Variants in MED27 observed in about 807,000 individuals in gnomAD.
MED27 encodes mediator complex subunit 27.
In MED27, 30 loss-of-function variants were observed where a neutral mutation model predicts 38.2. That is an observed-to-expected ratio of 0.79 (90% CI 0.59 to 1.07). The LOEUF is 1.07. Ranked by LOEUF, MED27 falls within the 50% of genes least tolerant of loss-of-function variation. The probability of loss-of-function intolerance (pLI) is 0.00; values close to 1 mark genes in which losing one functional copy is unlikely to be tolerated. For missense variants in MED27, 289 were observed against 397.5 expected, an observed-to-expected ratio of 0.73 and a Z score of 2.32; for synonymous variants, 122 against 153.5, an observed-to-expected ratio of 0.79 and a Z score of 1.52.
chr9:132,010,502 T>C (rs1167475405), intron 3 of MED27, among the ~76,000 whole-genome samples: 1 of 152,212 alleles, frequency 6.6e-6, no homozygotes, highest in Non-Finnish European at 1.5e-5. Context: ...GAACTAGAAA[T>C]ACCATTTGAC....
rs532966649 is a variant in MED27, at chr9:131,980,930, G to T, written c.479+33407C>A. On this transcript the variant is annotated intron_variant, in intron 3 of 7. Transcript: ENST00000292035. ...CAGTTTAGGAAATAAAACCCTGGAG[G>T]AAGAGTTTCAGTCACCCCAAATTTT... is the stretch of plus-strand genomic sequence containing the variant. Among the ~76,000 whole-genome samples, 3 of 152,274 alleles carry T rather than the reference G, an allele frequency of 2.0e-5. No individual in the cohort carries two copies. The East Asian group carries it at 5.8e-4, about 29-fold the overall frequency.
chr9:132,067,508 T>C (rs1210151269), intron 2 of MED27, among the ~76,000 whole-genome samples: 9 of 152,088 alleles, frequency 5.9e-5, no homozygotes, highest in Non-Finnish European at 7.4e-5. Flanking sequence ...GATGGCCCCT[T>C]GGGGAACGAC....
intron 2 of MED27, among the ~76,000 whole-genome samples, chr9:132,037,892 G>T (rs1833116434): frequency 6.6e-6 from 1 of 152,076 alleles, no homozygotes; most frequent in African/African-American, 2.4e-5. Flanking sequence ...TAGCAATGCA[G>T]GATATGTCAT....
chr9:131,986,806 C>A (rs911236549), intron 3 of MED27, among the ~76,000 whole-genome samples: 9 of 152,180 alleles, frequency 5.9e-5, no homozygotes, highest in Non-Finnish European at 1.2e-4. Flanking sequence ...ACTCACTTCA[C>A]CATTTCTCAT....
chr9:131,973,508 A>AGT (rs1319259457), intron 3 of MED27, among the ~76,000 whole-genome samples: 1 of 128,138 alleles, frequency 7.8e-6, no homozygotes, highest in Non-Finnish European at 1.5e-5. Flanking sequence ...ACCAGGCTGG[A>AGT]GTGCAGTAGC....
At chr9:131,887,429 C>T (rs1357101974) in intron 5 of MED27, among the ~76,000 whole-genome samples, 1 of 152,068 alleles carries the variant, frequency 6.6e-6, no homozygotes, top group Non-Finnish European at 1.5e-5. Flanking sequence ...AAAAAGGGAC[C>T]CCTTAACCAT....
At chr9:131,990,015 T>TA (rs1176004000) in intron 3 of MED27, among the ~76,000 whole-genome samples, 4 of 152,102 alleles carry the variant, frequency 2.6e-5, no homozygotes, top group Non-Finnish European at 4.4e-5. Flanking sequence ...TACCCTCCTA[T>TA]ACTGCAGCTT....
chr9:131,975,337 T>C (rs898828154), intron 3 of MED27, among the ~76,000 whole-genome samples: 1 of 152,236 alleles, frequency 6.6e-6, no homozygotes, highest in Non-Finnish European at 1.5e-5. Context: ...ATTTGGCTAG[T>C]AGGTCATCCA....
chr9:132,019,199 G>A (rs1392783206), intron 2 of MED27, among the ~76,000 whole-genome samples: 1 of 152,164 alleles, frequency 6.6e-6, no homozygotes, highest in Non-Finnish European at 1.5e-5. Flanking sequence ...TATCTCTAGG[G>A]CACAGACCTT....
Position 132,028,538 on chromosome 9 carries a change from T to C in MED27, c.349-14071A>G, listed in dbSNP as rs932049297. Among the ~76,000 whole-genome samples the C allele has an allele frequency of 5.9e-5, 9 of 151,658 alleles. No homozygotes were observed. The East Asian group carries it at 1.3e-3, about 23-fold the overall frequency. The stretch of plus-strand genomic sequence containing the variant: ...AAAAAAAAAAATCCAAAGAGGTCTG[T>C]AGGCATTGCATAACTGCACAGCCAG... On this transcript the variant is annotated intron_variant, in intron 2 of 7. Coordinates refer to ENST00000292035, the MANE Select transcript of MED27 (RefSeq NM_004269.4).
chr9:131,877,538 T>C (rs531765752), intron 6 of MED27, among the ~76,000 whole-genome samples: 1 of 152,230 alleles, frequency 6.6e-6, no homozygotes, highest in Non-Finnish European at 1.5e-5. Flanking sequence ...ACCACACCAC[T>C]GCACTCTAGT....
intron 3 of MED27, among the ~76,000 whole-genome samples, chr9:131,947,738 T>C (rs7857511): frequency 0.016 from 2,398 of 151,798 alleles, 52 homozygotes; most frequent in African/African-American, 0.049. Context: ...CCCATGTTAG[T>C]GTGATGCTTA....
chr9:131,893,007 G>A (rs1839254163), intron 5 of MED27, among the ~76,000 whole-genome samples: 2 of 152,220 alleles, frequency 1.3e-5, no homozygotes, highest in African/African-American at 2.4e-5. Context: ...TATATCACGG[G>A]CTGTGCTTCT....
chr9:131,922,492 G>C (rs1193940488), intron 4 of MED27, among the ~76,000 whole-genome samples: 2 of 149,542 alleles, frequency 1.3e-5, no homozygotes, highest in Non-Finnish European at 3.0e-5. Context: ...CCAGGTTGGA[G>C]TGCAGTGGCA....
chr9:132,072,108 C>T (rs754192526), intron 2 of MED27, among the ~76,000 whole-genome samples: 13 of 152,168 alleles, frequency 8.5e-5, no homozygotes, highest in African/African-American at 1.2e-4. Context: ...GTAACACGCA[C>T]TCCATGAGTA....
At chr9:131,954,047 G>A (rs941780144) in intron 3 of MED27, among the ~76,000 whole-genome samples, 5 of 151,994 alleles carry the variant, frequency 3.3e-5, no homozygotes, top group Non-Finnish European at 5.9e-5. Context: ...CAGATGATCC[G>A]CCCGCCTCAG....
At chr9:131,915,749 G>A (rs1447816862) in intron 4 of MED27, among the ~76,000 whole-genome samples, 1 of 152,290 alleles carries the variant, frequency 6.6e-6, no homozygotes, top group East Asian at 1.9e-4. Flanking sequence ...AATTTTCATG[G>A]CAACCCCCAA....
At chr9:132,033,449 T>C (rs115607636) in intron 2 of MED27, among the ~76,000 whole-genome samples, 1,983 of 152,294 alleles carry the variant, frequency 0.013, 38 homozygotes, top group African/African-American at 0.044. Context: ...TCTAAGAAAA[T>C]TTAAATTTGA....
In MED27 at chr9:131,861,864, A is replaced by G. The variant is rs1301496073; in HGVS notation, c.802-1192T>C. Among the ~76,000 whole-genome samples, 1 of 150,838 alleles carries G rather than the reference A, an allele frequency of 6.6e-6. No individual in the cohort carries two copies. Among genetic ancestry groups the G allele is most frequent in the East Asian group, 1.9e-4 (1 of 5,142 alleles). On this transcript the variant is annotated intron_variant, in intron 7 of 7. Coordinates refer to ENST00000292035, the MANE Select transcript of MED27 (RefSeq NM_004269.4). This position sits in a 1 kb window ranked among gnomAD's most constrained non-coding sequence, Gnocchi z 4.4. ...CGATCATAGCTCACTGTAACCTTGA[A>G]CTCCTGGGCTCAAGCGATCCTCCCG...
Sources: allele counts gnomAD v4.1 joint callset (sites outside exome capture counted in the v4.1 genomes callset), GRCh38; gene constraint gnomAD v4.1.1; non-coding constraint Gnocchi (gnomAD v3.1); transcripts MANE v1.5; gene names NCBI Gene and HGNC (gene_info 2026-07-23, HGNC 2026-07-21).